MON1A: variants seen among roughly 807,000 people sequenced by gnomAD.
MON1A encodes MON1 vesicular trafficking associated A.
In MON1A, 29 loss-of-function variants were observed where a neutral mutation model predicts 44.6. That is an observed-to-expected ratio of 0.65 (90% CI 0.48 to 0.89). The LOEUF (loss-of-function observed/expected upper bound fraction) is 0.89. MON1A is among the 40% of genes least tolerant of loss of function. MON1A has a pLI of 0.00. For missense variants in MON1A, 615 were observed against 759.6 expected (o/e 0.81, Z 2.24); for synonymous variants, 275 against 316.4 (o/e 0.87, Z 1.39).
intron 1 of MON1A, among the ~76,000 whole-genome samples, chr3:49,922,775 C>T (rs918512039): frequency 3.3e-5 from 5 of 151,326 alleles, no homozygotes; most frequent in African/African-American, 7.3e-5. Context: ...CTCAGCTCAC[C>T]GCAACAGTGC....
Position 49,909,578 on chromosome 3 carries a change from G to A in MON1A, c.1380-178C>T. The A allele has an allele frequency of 1.1e-5, 8 of 759,090 alleles. No individual in the cohort carries two copies. The highest frequency in any genetic ancestry group is 1.7e-5 in the Non-Finnish European group (8 of 481,958). The allele number at this position is 759,090 out of a possible 1,614,324, so 47.0% of individuals were successfully genotyped here. On this transcript the variant is annotated intron_variant, in intron 4 of 5. Coordinates refer to ENST00000296473, the MANE Select transcript of MON1A (RefSeq NM_032355.4). This position sits in a 1 kb window ranked among gnomAD's most constrained non-coding sequence, Gnocchi z 4.0. ...TAGCAGGCACCCCAGGACAGGGCTG[G>A]GCCCACTGAGACTAGAGCTATGTCC...
chr3:49,923,234 C>T (rs991528669), intron 1 of MON1A, among the ~76,000 whole-genome samples: 2 of 148,304 alleles, frequency 1.3e-5, no homozygotes, highest in South Asian at 2.2e-4. Flanking sequence ...CCAGCTACCC[C>T]GGGAGGCTGA....
rs148483316 is a variant in MON1A at position 49,913,279 on chromosome 3, C to A, written c.68G>T (p.Gly23Val). The A allele has an allele frequency of 5.8e-5, 94 of 1,614,044 alleles. No individual in the cohort carries two copies. The highest frequency in any genetic ancestry group is 1.3e-4 in the Admixed American group (8 of 59,982). The change falls in exon 2 of 6, where the codon GGA becomes GTA. Residue 23 changes from glycine (G) to valine (V), a missense_variant. Transcript: ENST00000296473. ...GCTCTCAGCTCTCTCCATACTCTGTCCATCAGAAGGAGTCAATGTGCCATC... is the reference window on the plus strand; with the variant it reads ...GCTCTCAGCTCTCTCCATACTCTGTACATCAGAAGGAGTCAATGTGCCATC... The part of the protein sequence containing the change: ...CLDGTLTPSD[G>V]QSMERAESPT...
In MON1A at chr3:49,909,352, C is replaced by T. The variant is rs768697005; in HGVS notation, c.1428G>A (p.Leu476=). The change falls in exon 5 of 6, where the codon CTG becomes CTA. Residue 476 remains leucine, a synonymous_variant. Transcript: ENST00000296473. The surrounding 1 kb of genome is among the most constrained non-coding windows in gnomAD (Gnocchi z 4.0). ...PYTSEEEQER[L]LGLYQYLHSR... ...TGTGCAAGTACTGGTAGAGGCCCAG[C>T]AGCCGCTCCTGCTCCTCTTCACTGG... 3 of 1,614,072 alleles carry T rather than the reference C, an allele frequency of 1.9e-6. No homozygotes were observed. Among genetic ancestry groups the T allele is most frequent in the Admixed American group, 1.7e-5 (1 of 60,022 alleles).
At chr3:49,914,421 T>C (rs934869308) in intron 1 of MON1A, among the ~76,000 whole-genome samples, 1 of 151,952 alleles carries the variant, frequency 6.6e-6, no homozygotes, top group African/African-American at 2.4e-5. Flanking sequence ...TTGCCCAGGC[T>C]GGAGAGCAGT....
Position 49,908,917 on chromosome 3 carries a change from C to G in MON1A, c.*97G>C. 4.9e-6 allele frequency: 7 copies of G among 1,435,432 alleles called. No homozygotes were observed. The highest frequency in any genetic ancestry group is 6.6e-6 in the Non-Finnish European group (7 of 1,065,730). The allele number at this position is 1,435,432 out of a possible 1,614,324, so 88.9% of individuals were successfully genotyped here. A position where few individuals can be genotyped will look rare whatever the true frequency, so the allele number is the denominator to read the frequency against. The stretch of plus-strand genomic sequence containing the variant: ...GCATTCACCAACCCACAGTCCCTGC[C>G]CGCTGGCTGGGCAAGAGAGGCCAGC... On this transcript the variant is annotated 3_prime_UTR_variant, in exon 6 of 6. Transcript: ENST00000296473.
chr3:49,910,068 C>T lies in MON1A; in HGVS notation c.1379+51G>A. 6.6e-7 allele frequency: 1 copy of T among 1,521,832 alleles called. No homozygotes were observed. The highest frequency in any genetic ancestry group is 8.8e-7 in the Non-Finnish European group (1 of 1,134,654). 94.3% of individuals were successfully genotyped at this position (1,521,832 alleles called of 1,614,324 possible). ...AGCTCAGGACCAAACAGCCTCCCGA[C>T]TCCACATGTCCCTGTCCCGCTACAG... On this transcript the variant is annotated intron_variant, in intron 4 of 5. Transcript: ENST00000296473. The surrounding 1 kb of genome is among the most constrained non-coding windows in gnomAD (Gnocchi z 8.0).
At position 49,909,581 on chromosome 3, in the gene MON1A, C is replaced by A. The variant is rs1222138402; in HGVS notation, c.1380-181G>T. 3 of 738,162 alleles carry A rather than the reference C, an allele frequency of 4.1e-6. No individual in the cohort carries two copies. The highest frequency in any genetic ancestry group is 1.8e-5 in the African/African-American group (1 of 56,374). The allele number at this position is 738,162 out of a possible 1,614,324, so 45.7% of individuals were successfully genotyped here. On this transcript the variant is annotated intron_variant, in intron 4 of 5. Coordinates refer to ENST00000296473, the MANE Select transcript of MON1A (RefSeq NM_032355.4). The surrounding 1 kb of genome is among the most constrained non-coding windows in gnomAD (Gnocchi z 4.0). Reference sequence around the variant, plus strand: ...CAGGCACCCCAGGACAGGGCTGGGCCCACTGAGACTAGAGCTATGTCCCCT... The same window carrying A: ...CAGGCACCCCAGGACAGGGCTGGGCACACTGAGACTAGAGCTATGTCCCCT...
intron 1 of MON1A, among the ~76,000 whole-genome samples, chr3:49,927,704 C>A (rs1013513946): frequency 6.6e-6 from 1 of 152,078 alleles, no homozygotes; most frequent in Non-Finnish European, 1.5e-5. Context: ...GAATAGACAA[C>A]GGGCTCTCTG....
intron 1 of MON1A, among the ~76,000 whole-genome samples, chr3:49,917,277 C>G (rs908419701): frequency 1.3e-5 from 2 of 151,414 alleles, no homozygotes; most frequent in African/African-American, 4.8e-5. Context: ...CCCTACATTT[C>G]TTTTCTTTTC....
intron 1 of MON1A, among the ~76,000 whole-genome samples, chr3:49,919,075 T>G (rs2082973059): frequency 6.6e-6 from 1 of 152,102 alleles, no homozygotes; most frequent in Non-Finnish European, 1.5e-5. Context: ...CCCAGCTACT[T>G]GGGAAGCTGA....
At chr3:49,929,399 T>C (rs2083075658) in intron 1 of MON1A, 2 of 637,724 alleles carry the variant, frequency 3.1e-6, no homozygotes, top group African/African-American at 1.9e-5. Context: ...GATCTCGCCC[T>C]CCCAGCCAAA....
Position 49,909,970 on chromosome 3 carries a change from G to T in MON1A, c.1379+149C>A, listed in dbSNP as rs2082854458. On this transcript the variant is annotated intron_variant, in intron 4 of 5. Transcript: ENST00000296473. This position sits in a 1 kb window ranked among gnomAD's most constrained non-coding sequence, Gnocchi z 4.0. Reference sequence around the variant, plus strand: ...GGGTGATGGAGAGTCTGGGTCTCTGGTGCCAGAGTAAAACAGGCCCAGCAC... The same window carrying T: ...GGGTGATGGAGAGTCTGGGTCTCTGTTGCCAGAGTAAAACAGGCCCAGCAC... 2.3e-6 allele frequency: 2 copies of T among 851,980 alleles called. No individual in the cohort carries two copies. Among genetic ancestry groups the T allele is most frequent in the Non-Finnish European group, 3.7e-6 (2 of 536,738 alleles). The allele number at this position is 851,980 out of a possible 1,614,324, so 52.8% of individuals were successfully genotyped here. A position where few individuals can be genotyped will look rare whatever the true frequency, so the allele number is the denominator to read the frequency against.
At chr3:49,921,812 A>T (rs2082999126) in intron 1 of MON1A, among the ~76,000 whole-genome samples, 1 of 151,412 alleles carries the variant, frequency 6.6e-6, no homozygotes, top group Non-Finnish European at 1.5e-5. Context: ...GGCACTTACC[A>T]CTTCTCCCAG....
At position 49,910,835 on chromosome 3, in the gene MON1A, C is replaced by G. The variant is rs774233565; in HGVS notation, c.663G>C (p.Ala221=). 4.3e-6 allele frequency: 7 copies of G among 1,613,398 alleles called. No individual in the cohort carries two copies. In the South Asian group the frequency reaches 7.7e-5, roughly 18 times the overall value. ...GTGCCGACTGCCGCGTACGAGCCAC[C>G]GCCACTAGCACCAGCGGGCTCCGGC... ...FVRRSPLVLV[A]VARTRQSAQE... Residue 221 remains alanine (A), a synonymous_variant, in exon 4 of 6, where the codon GCG becomes GCC. Coordinates refer to ENST00000296473, the MANE Select transcript of MON1A (RefSeq NM_032355.4). The surrounding 1 kb of genome is among the most constrained non-coding windows in gnomAD (Gnocchi z 8.0).
Position 49,929,743 on chromosome 3 carries a change from A to G in MON1A, c.-148T>C. 2.6e-6 allele frequency: 4 copies of G among 1,549,928 alleles called. No homozygotes were observed. Among genetic ancestry groups the G allele is most frequent in the Non-Finnish European group, 3.5e-6 (4 of 1,146,678 alleles). ...CGCGGGGCCCCGGCCCCCTGCGTAC[A>G]CAGACATGGCCACAGCGCAGGCACC... On this transcript the variant is annotated 5_prime_UTR_variant, in exon 1 of 6. Transcript: ENST00000296473.
At chr3:49,925,808 G>A (rs2083047032) in intron 1 of MON1A, among the ~76,000 whole-genome samples, 1 of 152,200 alleles carries the variant, frequency 6.6e-6, no homozygotes, top group South Asian at 2.1e-4. Context: ...TCATGAAACA[G>A]ATTACTGATG....
chr3:49,909,739 A>G lies in MON1A; in HGVS notation c.1380-339T>C, dbSNP rs139888837. On this transcript the variant is annotated intron_variant, in intron 4 of 5. Coordinates refer to ENST00000296473, the MANE Select transcript of MON1A (RefSeq NM_032355.4). The surrounding 1 kb of genome is among the most constrained non-coding windows in gnomAD (Gnocchi z 4.0). ...CTAGGAATCCTGTGGGCCAAAAGGG[A>G]CAAAGGGAGGCCATATCTTCCCAGC... The G allele has an allele frequency of 8.7e-4, 310 of 354,910 alleles. 1 individual carries two copies. Among genetic ancestry groups the G allele is most frequent in the African/African-American group, 5.9e-3 (289 of 48,824 alleles). 22.0% of individuals were successfully genotyped at this position (354,910 alleles called of 1,614,324 possible).
At chr3:49,916,177 C>T (rs2082941463) in intron 1 of MON1A, among the ~76,000 whole-genome samples, 1 of 152,156 alleles carries the variant, frequency 6.6e-6, no homozygotes, top group South Asian at 2.1e-4. Flanking sequence ...GCTGTGTAAC[C>T]TTGGGCAAAT....
Sources: gnomAD v4.1 joint callset for allele counts (sites outside exome capture counted in the v4.1 genomes callset) on GRCh38, gnomAD v4.1.1 for gene constraint, Gnocchi (gnomAD v3.1) non-coding constraint, MANE v1.5 for transcripts, NCBI Gene and HGNC (gene_info 2026-07-23, HGNC 2026-07-21) for gene names.